Variants in MLLT6 observed in about 807,000 individuals in gnomAD.
MLLT6 encodes the protein MLLT6, PHD finger containing, also known as protein AF-17.
A neutral mutation model predicts 103.0 loss-of-function variants in MLLT6; 22 were observed. The observed-to-expected ratio is 0.21, with a 90% CI of 0.15 to 0.31. The LOEUF (loss-of-function observed/expected upper bound fraction) is 0.31. Among genes scored for constraint, MLLT6 ranks in the 10% least tolerant of loss-of-function variants. The probability of loss-of-function intolerance (pLI) is 1.00; values close to 1 mark genes in which losing one functional copy is unlikely to be tolerated. For synonymous variants in MLLT6, 606 were observed against 623.5 expected, an observed-to-expected ratio of 0.97 and a Z score of 0.42; for missense variants, 1,199 against 1,441.7, an observed-to-expected ratio of 0.83 and a Z score of 2.73.
chr17:38,705,995 A>C, intron 1 of MLLT6: 1 of 200,362 alleles, frequency 5.0e-6, no homozygotes, highest in Non-Finnish European at 9.9e-6. Context: ...CTAGGGAGCA[A>C]TGAGTGAACT....
In MLLT6 at chr17:38,724,467, T is replaced by C. The variant is rs1905917420; in HGVS notation, c.2884-153T>C. 3.4e-6 allele frequency: 2 copies of C among 584,034 alleles called. No homozygotes were observed. Among genetic ancestry groups the C allele is most frequent in the Admixed American group, 6.9e-5 (2 of 29,172 alleles). 36.2% of individuals were successfully genotyped at this position (584,034 alleles called of 1,614,324 possible). ...TCTAGATGGGGAGACCCAGGCTAAG[T>C]GGGAAATGCGAGACAGTACCTTGAC... is the stretch of plus-strand genomic sequence containing the variant. On this transcript the variant is annotated intron_variant, in intron 18 of 19. Transcript: ENST00000621332. This position sits in a 1 kb window ranked among gnomAD's most constrained non-coding sequence, Gnocchi z 5.4.
chr17:38,723,415 T>C (rs6503732), intron 18 of MLLT6, among the ~76,000 whole-genome samples: 68,957 of 151,822 alleles, frequency 0.45, 18,353 homozygotes, highest in African/African-American at 0.75. Context: ...TCGCTTGAAC[T>C]GGGGAGGTGG....
rs187374552 is a variant in MLLT6, at chr17:38,717,800, T to C, written c.1834-45T>C. 2.6e-6 allele frequency: 4 copies of C among 1,518,410 alleles called. No individual in the cohort carries two copies. In the African/African-American group the frequency reaches 4.1e-5, roughly 16 times the overall value. The allele number at this position is 1,518,410 out of a possible 1,614,324, so 94.1% of individuals were successfully genotyped here. A position where few individuals can be genotyped will look rare whatever the true frequency, so the allele number is the denominator to read the frequency against. ...CACCCCGGTACACACAGTTGTGCTC[T>C]AGATCCAAGAATAACCGCCAGGGGA... On this transcript the variant is annotated intron_variant, in intron 11 of 19. Transcript: ENST00000621332.
chr17:38,713,292 T>G, intron 8 of MLLT6: 5 of 408,762 alleles, frequency 1.2e-5, no homozygotes, highest in East Asian at 3.6e-5. Context: ...CATCCCACCA[T>G]TCCCAGCAGG....
In MLLT6 at chr17:38,726,186, A is replaced by G. The variant is rs1210004914; in HGVS notation, c.*588A>G. ...TTGGGGGCTGGAGAAGGGGCAGGAG[A>G]GCATCACACTCAGCCCCAGCCTCCT... On this transcript the variant is annotated 3_prime_UTR_variant, in exon 20 of 20. Transcript: ENST00000621332. 4.3e-6 allele frequency: 1 copy of G among 233,618 alleles called. No homozygotes were observed. The highest frequency in any genetic ancestry group is 8.5e-6 in the Non-Finnish European group (1 of 118,162). The allele number at this position is 233,618 out of a possible 1,614,324, so 14.5% of individuals were successfully genotyped here.
Position 38,722,666 on chromosome 17 carries a change from C to A in MLLT6, c.2793-12C>A. The A allele has an allele frequency of 3.3e-6, 2 of 600,688 alleles. No individual in the cohort carries two copies. The highest frequency in any genetic ancestry group is 6.1e-6 in the Non-Finnish European group (2 of 325,428). The allele number at this position is 600,688 out of a possible 1,614,324, so 37.2% of individuals were successfully genotyped here. On this transcript the variant is annotated splice_polypyrimidine_tract_variant and intron_variant, in intron 17 of 19. Transcript: ENST00000621332. Reference sequence around the variant, plus strand: ...TGTGTTGTCCCCCCCCCACCCCCCACCCCCACCTCAGCCTTACAGAGCAGC... The same window carrying A: ...TGTGTTGTCCCCCCCCCACCCCCCAACCCCACCTCAGCCTTACAGAGCAGC...
intron 18 of MLLT6, among the ~76,000 whole-genome samples, chr17:38,723,023 C>T (rs1461591099): frequency 1.3e-5 from 2 of 152,124 alleles, no homozygotes; most frequent in Non-Finnish European, 1.5e-5. Context: ...GTGAAAGACT[C>T]TGGAGGGCAG....
At chr17:38,706,919 T>C (rs1904952683) in intron 1 of MLLT6, 31 bp from the exon 2 acceptor site, 3 of 1,584,080 alleles carry the variant, frequency 1.9e-6, no homozygotes, top group South Asian at 1.1e-5. Flanking sequence ...GGCTGACAGC[T>C]TTGCTCAGCG....
chr17:38,717,111 C>T, intron 10 of MLLT6, 130 bp downstream of exon 10: 1 of 1,349,240 alleles, frequency 7.4e-7, no homozygotes, highest in East Asian at 2.5e-5. Flanking sequence ...AGGAGACAGT[C>T]ACCTTCAGGA....
chr17:38,720,565 C>T lies in MLLT6; in HGVS notation c.2349C>T (p.Pro783=). ...TCCCTGGGCCCTATGGCCTGCCTCC[C>T]CAAGGTGAGGGGATCCTGCCCAGCC... ...GPVPGPYGLP[P]QAGSSDSLST... is the part of the protein sequence containing the mutation. The change falls in exon 15 of 20, where the codon CCC becomes CCT. Residue 783 remains proline (P), a synonymous_variant. Coordinates refer to ENST00000621332, the MANE Select transcript of MLLT6 (RefSeq NM_005937.4). The T allele has an allele frequency of 6.2e-7, 1 of 1,612,332 alleles. No individual in the cohort carries two copies.
rs745395386 is a variant in MLLT6, at chr17:38,711,885, C to T, written c.591C>T (p.Gly197=). 6.9e-6 allele frequency: 11 copies of T among 1,596,446 alleles called. No individual in the cohort carries two copies. Among genetic ancestry groups the T allele is most frequent in the East Asian group, 4.5e-5 (2 of 44,220 alleles). ...ACAGCAGCGGGGGAGGCGGAGGAGG[C>T]GCTGGAGGAGGAGGTGGCAGCATGG... ...SRHSSGGGGG[G]AGGGGGSMGG... Residue 197 remains glycine, a synonymous_variant, in exon 7 of 20, where the codon GGC becomes GGT. Transcript: ENST00000621332.
rs749363076 is a variant in MLLT6, at chr17:38,707,849, G to A, written c.331G>A (p.Val111Met). The A allele has an allele frequency of 5.6e-6, 9 of 1,612,682 alleles. No homozygotes were observed. The highest frequency in any genetic ancestry group is 3.3e-4 in the Middle Eastern group (2 of 6,082). The change falls in exon 4 of 20, where the codon GTG (valine) becomes ATG (methionine). Residue 111 changes from valine to methionine, a missense_variant. By Grantham distance (21) the Val-to-Met change is conservative (BLOSUM62 1). This residue lies in a region of MLLT6 where 59 missense variants were observed against 135.1 expected (regional missense o/e 0.44). Coordinates refer to ENST00000621332, the MANE Select transcript of MLLT6 (RefSeq NM_005937.4). ...LTMEPIVLQY[V>M]PHDRFNKTCY... ...CATGGAGCCCATCGTGCTGCAGTAC[G>A]TGCCTCATGATCGCTTCAACAAGGT...
intron 16 of MLLT6, 25 bp from the exon 17 acceptor site, chr17:38,721,853 C>G (rs749038217): frequency 2.7e-5 from 41 of 1,502,196 alleles, no homozygotes; most frequent in Admixed American, 3.8e-5. Context: ...GCCCTCTGAC[C>G]CCTCCCTTCC....
At position 38,725,559 on chromosome 17, in the gene MLLT6, C is replaced by T. The variant is rs749505174; in HGVS notation, c.3243C>T (p.Thr1081=). The T allele has an allele frequency of 1.9e-5, 31 of 1,604,720 alleles. No homozygotes were observed. The highest frequency in any genetic ancestry group is 4.4e-5 in the South Asian group (4 of 90,258). ...EGSGGGPKGG[T]ADKGASANQE... ...GGCCTCCCTCCCTCTCTTTCCAGAC[C>T]GCTGACAAAGGAGCCTCAGCCAACC... Residue 1081 remains threonine, a splice_region_variant and synonymous_variant, in exon 20 of 20, where the codon ACC becomes ACT. Coordinates refer to ENST00000621332, the MANE Select transcript of MLLT6 (RefSeq NM_005937.4).
chr17:38,728,593 C>T lies in MLLT6; in HGVS notation c.*2995C>T. On this transcript the variant is annotated 3_prime_UTR_variant, in exon 20 of 20. Coordinates refer to ENST00000621332, the MANE Select transcript of MLLT6 (RefSeq NM_005937.4). ...GGGTCACAACTGGTGCATGCCAGCG[C>T]CAAAGGGACCTGTCTTTAGGGGTCA... 1 of 233,584 alleles carries T rather than the reference C, an allele frequency of 4.3e-6. No homozygotes were observed. The highest frequency in any genetic ancestry group is 8.5e-6 in the Non-Finnish European group (1 of 118,118). 14.5% of individuals were successfully genotyped at this position (233,584 alleles called of 1,614,324 possible). A position where few individuals can be genotyped will look rare whatever the true frequency, so the allele number is the denominator to read the frequency against.
rs1450106720 is a variant in MLLT6 at position 38,723,883 on chromosome 17, CA to C, written c.2884-736del. On this transcript the variant is annotated intron_variant, in intron 18 of 19. Transcript: ENST00000621332. The stretch of plus-strand genomic sequence containing the variant: ...TCAGCCTCCCAAGTAGCTGGGATTA[CA>C]GGTGCATGCCACCATGCCCAGCTAA... 2.0e-5 allele frequency among the ~76,000 whole-genome samples: 3 copies of C among 149,450 alleles called. No homozygotes were observed. The Admixed American group carries it at 2.0e-4, about 10-fold the overall frequency.
chr17:38,707,155 T>TTTCCTGC, intron 2 of MLLT6, 126 bp downstream of exon 2: 1 of 736,246 alleles, frequency 1.4e-6, no homozygotes, highest in Non-Finnish European at 2.2e-6. Context: ...AGACTTCCTG[T>TTTCCTGC]TTCCTGCACA....
intron 12 of MLLT6, 51 bp downstream of exon 12, chr17:38,718,004 C>T (rs1489212138): frequency 3.9e-6 from 5 of 1,277,164 alleles, no homozygotes; most frequent in Non-Finnish European, 5.7e-6. Context: ...GGTCGGACAC[C>T]CATCACCTGC....
chr17:38,713,410 C>T, intron 8 of MLLT6: 1 of 276,336 alleles, frequency 3.6e-6, no homozygotes, highest in Non-Finnish European at 6.7e-6. Flanking sequence ...ACAGCCCTCC[C>T]TGCTCCCTAC....
Sources: allele counts gnomAD v4.1 joint callset (sites outside exome capture counted in the v4.1 genomes callset), GRCh38; gene constraint gnomAD v4.1.1; regional missense constraint gnomAD v4.1.1; non-coding constraint Gnocchi (gnomAD v3.1); transcripts MANE v1.5; gene names NCBI Gene and HGNC (gene_info 2026-07-23, HGNC 2026-07-21).